Variants in CSMD1 observed in about 807,000 individuals in gnomAD.
The protein encoded by CSMD1 is CUB and Sushi multiple domains 1.
In CSMD1, 213 loss-of-function variants were observed where a neutral mutation model predicts 417.5. The observed-to-expected ratio is 0.51, with a 90% CI of 0.46 to 0.57. CSMD1 has a LOEUF of 0.57. Among genes scored for constraint, CSMD1 ranks in the 20% least tolerant of loss-of-function variants. The pLI, the probability that CSMD1 is intolerant of heterozygous loss-of-function variation, is 0.00. For missense variants in CSMD1, 6,923 were observed against 4,529.7 expected (o/e 1.53, Z -15.17); for synonymous variants, 2,862 against 1,736.8 (o/e 1.65, Z -16.11).
intron 3 of CSMD1, among the ~76,000 whole-genome samples, chr8:4,180,468 C>T (rs1177685173): frequency 1.3e-5 from 2 of 150,562 alleles, no homozygotes; most frequent in Admixed American, 6.6e-5. Context: ...AGGAGATATG[C>T]CTAATGCTAA....
chr8:4,198,162 G>A (rs1422787275), intron 3 of CSMD1, among the ~76,000 whole-genome samples: 2 of 152,188 alleles, frequency 1.3e-5, no homozygotes, highest in African/African-American at 4.8e-5. Context: ...CAGCAGTCCC[G>A]AAGCATGATC....
At chr8:4,209,364 A>G (rs1341181980) in intron 3 of CSMD1, among the ~76,000 whole-genome samples, 1 of 152,174 alleles carries the variant, frequency 6.6e-6, no homozygotes, top group Non-Finnish European at 1.5e-5. Context: ...CAAAGGACAC[A>G]TAGATTCCCA....
intron 1 of CSMD1, among the ~76,000 whole-genome samples, chr8:4,764,889 A>AAAAAAAAAAAAC (rs1377665114): frequency 5.0e-5 from 2 of 39,994 alleles, no homozygotes; most frequent in African/African-American, 1.9e-4. Flanking sequence ...AAAAAAAAAA[A>AAAAAAAAAAAAC]AAAAACAACA....
chr8:4,403,551 T>C (rs1023034129), intron 3 of CSMD1, among the ~76,000 whole-genome samples: 11 of 152,148 alleles, frequency 7.2e-5, no homozygotes, highest in African/African-American at 2.4e-4. Context: ...GCTGATCACC[T>C]CTTCCTTCCT....
At chr8:4,903,291 C>T (rs1277331441) in intron 1 of CSMD1, among the ~76,000 whole-genome samples, 1 of 152,180 alleles carries the variant, frequency 6.6e-6, no homozygotes, top group East Asian at 1.9e-4. Flanking sequence ...GCTGACCTTT[C>T]TGATTTCCAT....
At chr8:3,660,362 C>G (rs1411351219) in intron 7 of CSMD1, among the ~76,000 whole-genome samples, 1 of 152,058 alleles carries the variant, frequency 6.6e-6, no homozygotes, top group South Asian at 2.1e-4. Context: ...AGCGATCTTC[C>G]CAGGGACCAG....
At chr8:4,697,328 C>T (rs1259348786) in intron 1 of CSMD1, among the ~76,000 whole-genome samples, 1 of 152,006 alleles carries the variant, frequency 6.6e-6, no homozygotes, top group Non-Finnish European at 1.5e-5. Flanking sequence ...CCCTTCTCAC[C>T]AAAAGTTGCA....
chr8:4,354,645 A>G (rs935036836), intron 3 of CSMD1, among the ~76,000 whole-genome samples: 2 of 152,158 alleles, frequency 1.3e-5, no homozygotes, highest in African/African-American at 4.8e-5. Flanking sequence ...AAATAAACAC[A>G]TGAACATCTA....
At chr8:4,067,133 C>T (rs1248974597) in intron 3 of CSMD1, among the ~76,000 whole-genome samples, 2 of 152,190 alleles carry the variant, frequency 1.3e-5, no homozygotes, top group Non-Finnish European at 2.9e-5. Flanking sequence ...AGAGTCACTT[C>T]ATGCAAAACC....
At chr8:3,018,332 G>GA (rs1391224861) in intron 52 of CSMD1, 145 bp downstream of exon 52, 37 of 704,674 alleles carry the variant, frequency 5.3e-5, no homozygotes, top group Non-Finnish European at 7.1e-5. Context: ...GATACTCAAA[G>GA]AAAAAATCAC....
chr8:3,824,355 G>A (rs940152453), intron 5 of CSMD1, among the ~76,000 whole-genome samples: 2 of 152,148 alleles, frequency 1.3e-5, no homozygotes, highest in Admixed American at 6.5e-5. Context: ...TGCAAAGTTT[G>A]TCAAATGACG....
intron 2 of CSMD1, among the ~76,000 whole-genome samples, chr8:4,478,464 ATAG>A (rs1563217298): frequency 1.3e-5 from 2 of 152,188 alleles, no homozygotes; most frequent in South Asian, 4.1e-4. Flanking sequence ...AATTGAATCA[ATAG>A]TTTCTTCATT....
chr8:2,956,931 G>T lies in CSMD1; in HGVS notation c.9814+765C>A, dbSNP rs571411223. ...TACATGTACTATCAACATATAATTT[G>T]AGTAATGATTTAGAGCAGAGATAAT... On this transcript the variant is annotated intron_variant, in intron 63 of 69. Transcript: ENST00000635120. Among the ~76,000 whole-genome samples, 11 of 152,096 alleles carry T rather than the reference G, an allele frequency of 7.2e-5. No individual in the cohort carries two copies. The South Asian group carries it at 2.1e-3, about 29-fold the overall frequency.
At chr8:4,949,841 T>TAG (rs1415335148) in intron 1 of CSMD1, among the ~76,000 whole-genome samples, 1 of 151,894 alleles carries the variant, frequency 6.6e-6, no homozygotes, top group East Asian at 1.9e-4. Context: ...GATATATATA[T>TAG]AGAGAGAATA....
At chr8:3,798,059 T>C (rs527618473) in intron 5 of CSMD1, among the ~76,000 whole-genome samples, 2 of 152,166 alleles carry the variant, frequency 1.3e-5, no homozygotes, top group East Asian at 3.9e-4. Context: ...TTCTTCTTAA[T>C]AATCCATTGA....
intron 49 of CSMD1, among the ~76,000 whole-genome samples, chr8:3,079,498 A>T (rs1386411461): frequency 1.3e-5 from 2 of 152,236 alleles, no homozygotes; most frequent in Non-Finnish European, 2.9e-5. Flanking sequence ...GCAAATAGAT[A>T]TGCATATAAA....
At chr8:4,176,114 A>C (rs982604668) in intron 3 of CSMD1, among the ~76,000 whole-genome samples, 6 of 152,120 alleles carry the variant, frequency 3.9e-5, no homozygotes, top group African/African-American at 1.4e-4. Flanking sequence ...TTGTAGACAG[A>C]AAGTCTCAAG....
chr8:4,846,694 A>G (rs1362650913), intron 1 of CSMD1, among the ~76,000 whole-genome samples: 3 of 152,180 alleles, frequency 2.0e-5, no homozygotes, highest in Admixed American at 2.0e-4. Flanking sequence ...TCCTTTCTTG[A>G]ACTTGGTCCC....
chr8:2,980,893 G>C (rs928206001), intron 54 of CSMD1, among the ~76,000 whole-genome samples: 1 of 152,162 alleles, frequency 6.6e-6, no homozygotes, highest in Non-Finnish European at 1.5e-5. Context: ...AATATTTTGA[G>C]CAGTAAAAAA....
Sources: allele counts gnomAD v4.1 joint callset (sites outside exome capture counted in the v4.1 genomes callset), GRCh38; gene constraint gnomAD v4.1.1; transcripts MANE v1.5; gene names NCBI Gene and HGNC (gene_info 2026-07-23, HGNC 2026-07-21).